The following HDAC7 variants were observed in gnomAD, a reference collection of about 807,000 sequenced individuals.
HDAC7 encodes histone deacetylase 7.
A neutral mutation model predicts 115.5 loss-of-function variants in HDAC7; 26 were observed. The ratio of observed to expected loss-of-function variants is 0.23; its 90% CI spans 0.16 to 0.31. The LOEUF (loss-of-function observed/expected upper bound fraction) is 0.31. Ranked by LOEUF, HDAC7 falls within the 10% of genes least tolerant of loss-of-function variation. HDAC7 has a pLI of 1.00. For synonymous variants in HDAC7, 564 were observed against 550.9 expected, an observed-to-expected ratio of 1.02 and a Z score of -0.33; for missense variants, 1,068 against 1,329.0, an observed-to-expected ratio of 0.80 and a Z score of 3.05.
chr12:47,804,184 A>G (rs1293143451), intron 1 of HDAC7, among the ~76,000 whole-genome samples: 2 of 152,180 alleles, frequency 1.3e-5, no homozygotes, highest in East Asian at 3.8e-4. Context: ...TCCATAATAT[A>G]AGGTCTGTCC....
intron 22 of HDAC7, 49 bp downstream of exon 22, chr12:47,786,536 C>G (rs1292306576): frequency 7.3e-7 from 1 of 1,374,850 alleles, no homozygotes; most frequent in African/African-American, 1.4e-5. Flanking sequence ...ACTCCCCGCA[C>G]CGCCTGGCTC....
chr12:47,819,234 G>A (rs1362984778), intron 1 of HDAC7: 1 of 152,628 alleles, frequency 6.6e-6, no homozygotes, highest in Non-Finnish European at 1.5e-5. Context: ...CGAAGGATCT[G>A]AGTAGGGCCC....
chr12:47,812,584 T>C (rs1944713345), intron 1 of HDAC7, among the ~76,000 whole-genome samples: 1 of 152,158 alleles, frequency 6.6e-6, no homozygotes, highest in African/African-American at 2.4e-5. Context: ...ATAATCACAC[T>C]TGCAGGAGAA....
At position 47,784,116 on chromosome 12, in the gene HDAC7, G is replaced by C; in HGVS notation, c.2893C>G (p.Leu965Val). 6.2e-7 allele frequency: 1 copy of C among 1,613,866 alleles called. No individual in the cohort carries two copies. The highest frequency in any genetic ancestry group is 2.2e-5 in the East Asian group (1 of 44,884). ...DKEEVEAVTA[L>V]ASLSVGILAE... The stretch of plus-strand genomic sequence containing the variant: ...AGGATGCCCACAGAGAGGGACGCCA[G>C]TGCGGTCACTGCCTCCACTTCTTCT... The change falls in exon 25 of 26, where the codon CTG becomes GTG. Residue 965 changes from leucine (L) to valine (V), a missense_variant. Physicochemically the swap from Leu to Val is conservative, Grantham distance 32. Transcript: ENST00000080059.
intron 1 of HDAC7, among the ~76,000 whole-genome samples, chr12:47,808,599 A>G (rs544372500): frequency 6.6e-6 from 1 of 152,218 alleles, no homozygotes; most frequent in Admixed American, 6.5e-5. Flanking sequence ...TGACAGAGAA[A>G]AACAGGGGTC....
chr12:47,791,710 A>G lies in HDAC7; in HGVS notation c.1813-4T>C. 1.2e-6 allele frequency: 2 copies of G among 1,613,544 alleles called. No individual in the cohort carries two copies. The highest frequency in any genetic ancestry group is 4.5e-5 in the East Asian group (2 of 44,862). On this transcript the variant is annotated splice_region_variant and splice_polypyrimidine_tract_variant and intron_variant, in intron 14 of 25. Transcript: ENST00000080059. ...AGGCCTTCCGGCCTCGGAGACACTG[A>G]AAAGGGGACCACAGAGCTCTGAGCT...
chr12:47,800,043 G>T (rs1199887400), intron 2 of HDAC7, among the ~76,000 whole-genome samples: 2 of 152,214 alleles, frequency 1.3e-5, no homozygotes, highest in African/African-American at 2.4e-5. Flanking sequence ...GGCTGGAAAG[G>T]CCTGTGGCAA....
intron 1 of HDAC7, chr12:47,818,054 T>G (rs908130836): frequency 1.3e-5 from 2 of 152,228 alleles, no homozygotes; most frequent in African/African-American, 2.4e-5. Flanking sequence ...CTGAGAAGTG[T>G]GCTTGGAATT....
At chr12:47,787,913 C>T (rs551473415) in intron 20 of HDAC7, 104 bp from the exon 21 acceptor site, 3 of 1,526,554 alleles carry the variant, frequency 2.0e-6, no homozygotes, top group East Asian at 2.4e-5. Context: ...TCCCCATTTC[C>T]AGGTGGGGAA....
chr12:47,820,209 A>C (rs1474413675), upstream of HDAC7, among the ~76,000 whole-genome samples: 3 of 152,112 alleles, frequency 2.0e-5, no homozygotes, highest in East Asian at 5.8e-4. This position sits in a 1 kb window ranked among gnomAD's most constrained non-coding sequence, Gnocchi z 4.3. Context: ...CGAGCCGTGC[A>C]CAATTCCCGG....
intron 1 of HDAC7, among the ~76,000 whole-genome samples, chr12:47,810,080 G>A (rs561610254): frequency 6.6e-5 from 10 of 152,240 alleles, no homozygotes; most frequent in Admixed American, 6.5e-4. Context: ...CCAAGTAGCT[G>A]GGATTACAGG....
chr12:47,795,556 A>C lies in HDAC7; in HGVS notation c.1087+31T>G. On this transcript the variant is annotated intron_variant, in intron 10 of 25. Transcript: ENST00000080059. The surrounding 1 kb of genome is among the most constrained non-coding windows in gnomAD (Gnocchi z 4.3). ...GGCTCTTAGCAGGGTGCAGGGACCC[A>C]GCCCCTTCCCTGAAGAAGCAGCAGA... 6.5e-7 allele frequency: 1 copy of C among 1,544,966 alleles called. No homozygotes were observed. Among genetic ancestry groups the C allele is most frequent in the East Asian group, 2.4e-5 (1 of 40,970 alleles).
intron 15 of HDAC7, 129 bp downstream of exon 15, chr12:47,791,457 G>A (rs1471363709): frequency 1.3e-5 from 18 of 1,407,194 alleles, no homozygotes; most frequent in Non-Finnish European, 1.6e-5. Context: ...GAGGGGCTTG[G>A]CAGCAAGCTG....
intron 2 of HDAC7, among the ~76,000 whole-genome samples, chr12:47,800,426 A>C (rs144017982): frequency 4.5e-4 from 69 of 152,306 alleles, no homozygotes; most frequent in African/African-American, 1.6e-3. Context: ...TGACATGGAC[A>C]CAAGACAGGA....
At chr12:47,799,553 C>T (rs1440483177) in intron 2 of HDAC7, among the ~76,000 whole-genome samples, 1 of 152,246 alleles carries the variant, frequency 6.6e-6, no homozygotes, top group East Asian at 1.9e-4. Context: ...CCAGCCCTGA[C>T]CGGCCACGTT....
At chr12:47,817,037 T>C (rs58394930) in intron 1 of HDAC7, among the ~76,000 whole-genome samples, 28 of 152,298 alleles carry the variant, frequency 1.8e-4, no homozygotes, top group African/African-American at 6.5e-4. Flanking sequence ...GAAAGGGCTG[T>C]CTGGGGGCAC....
At chr12:47,788,954 G>A (rs1943324543) in intron 19 of HDAC7, 1 of 379,450 alleles carries the variant, frequency 2.6e-6, no homozygotes, top group East Asian at 4.9e-5. Context: ...ATCACTACCT[G>A]TACAGGAAAT....
chr12:47,797,615 T>A lies in HDAC7; in HGVS notation c.462-116A>T. On this transcript the variant is annotated intron_variant, in intron 5 of 25. Transcript: ENST00000080059. This position sits in a 1 kb window ranked among gnomAD's most constrained non-coding sequence, Gnocchi z 5.5. Reference sequence around the variant, plus strand: ...CTGCAGCGGGCAGGGCTGGGCAATGTGGGGCTGGTAGGAATGGGGACCATC... The same window carrying A: ...CTGCAGCGGGCAGGGCTGGGCAATGAGGGGCTGGTAGGAATGGGGACCATC... 1 of 717,662 alleles carries A rather than the reference T, an allele frequency of 1.4e-6. No individual in the cohort carries two copies. The highest frequency in any genetic ancestry group is 2.3e-6 in the Non-Finnish European group (1 of 434,082). 44.5% of individuals were successfully genotyped at this position (717,662 alleles called of 1,614,324 possible). A position where few individuals can be genotyped will look rare whatever the true frequency, so the allele number is the denominator to read the frequency against.
chr12:47,798,527 G>GGGGCT lies in HDAC7; in HGVS notation c.349+30_349+34dup, dbSNP rs746691640. ...AGGCAGCCGCAGGCACCTGGCTGGT[G>GGGGCT]GGGCTGGGCTGGGCTGGGGTGGCCA... On this transcript the variant is annotated intron_variant, in intron 4 of 25. Coordinates refer to ENST00000080059, the MANE Select transcript of HDAC7 (RefSeq NM_015401.5). This position sits in a 1 kb window ranked among gnomAD's most constrained non-coding sequence, Gnocchi z 4.3. 2.0e-5 allele frequency: 32 copies of GGGGCT among 1,593,368 alleles called. No individual in the cohort carries two copies. The highest frequency in any genetic ancestry group is 1.5e-4 in the South Asian group (14 of 90,590).
Sources: gnomAD v4.1 joint callset for allele counts (sites outside exome capture counted in the v4.1 genomes callset) on GRCh38, gnomAD v4.1.1 for gene constraint, Gnocchi (gnomAD v3.1) non-coding constraint, MANE v1.5 for transcripts, NCBI Gene and HGNC (gene_info 2026-07-23, HGNC 2026-07-21) for gene names.